Variants in HLF observed in about 807,000 individuals in gnomAD.
HLF encodes HLF transcription factor, PAR bZIP family member.
In HLF, 3 loss-of-function variants were observed where a neutral mutation model predicts 22.6. That is an observed-to-expected ratio of 0.13 (90% confidence interval 0.06 to 0.34). The LOEUF is 0.34. Ranked by LOEUF, HLF falls within the 10% of genes least tolerant of loss-of-function variation. The probability of loss-of-function intolerance (pLI) is 1.00; values close to 1 mark genes in which losing one functional copy is unlikely to be tolerated. For synonymous variants in HLF, 151 were observed against 151.8 expected (o/e 0.99, Z 0.04); for missense variants, 299 against 389.2 (o/e 0.77, Z 1.95).
At chr17:55,317,233 C>T (rs1198024685) in intron 3 of HLF, among the ~76,000 whole-genome samples, 1 of 152,126 alleles carries the variant, frequency 6.6e-6, no homozygotes, top group East Asian at 1.9e-4. Flanking sequence ...TTCCAAAGTG[C>T]TGGGATTACA....
chr17:55,301,466 T>A (rs2081156795), intron 2 of HLF, among the ~76,000 whole-genome samples: 1 of 152,218 alleles, frequency 6.6e-6, no homozygotes, highest in Non-Finnish European at 1.5e-5. Context: ...CTTAATCTGA[T>A]AAAAAAATTA....
At chr17:55,270,682 A>G (rs1490737268) in intron 2 of HLF, among the ~76,000 whole-genome samples, 5 of 123,076 alleles carry the variant, frequency 4.1e-5, no homozygotes, top group Non-Finnish European at 8.0e-5. Context: ...TTTTTTTGAG[A>G]CGGAGTCTCG....
intron 2 of HLF, among the ~76,000 whole-genome samples, chr17:55,292,816 A>C (rs1407240827): frequency 6.6e-6 from 1 of 152,274 alleles, no homozygotes; most frequent in Non-Finnish European, 1.5e-5. Flanking sequence ...ACCATAAAAA[A>C]GAATGAAATT....
chr17:55,282,369 T>G (rs2080962261), intron 2 of HLF, among the ~76,000 whole-genome samples: 3 of 152,196 alleles, frequency 2.0e-5, no homozygotes, highest in African/African-American at 7.2e-5. Flanking sequence ...AAGTATAACC[T>G]TAGGTGTTCA....
At chr17:55,288,391 G>A (rs1281202551) in intron 2 of HLF, among the ~76,000 whole-genome samples, 4 of 151,966 alleles carry the variant, frequency 2.6e-5, no homozygotes, top group Non-Finnish European at 2.9e-5. Context: ...CAAGTGATCC[G>A]CCCTCCTTGG....
At position 55,264,982 on chromosome 17, in the gene HLF, A is replaced by C. The variant is rs535748096; in HGVS notation, c.-503A>C. The C allele has an allele frequency of 3.7e-5, 6 of 160,310 alleles. No individual in the cohort carries two copies. The highest frequency in any genetic ancestry group is 2.2e-4 in the South Asian group (1 of 4,574). 9.9% of individuals were successfully genotyped at this position (160,310 alleles called of 1,614,324 possible). On this transcript the variant is annotated 5_prime_UTR_variant, in exon 1 of 4. It removes an upstream start codon present in the reference 5' UTR. Transcript: ENST00000226067. ...GTCACTCTTGTCAGGGCCGCGGCAC[A>C]TGGGCGGCCGGATGCGCTGAGCCCG...
intron 2 of HLF, among the ~76,000 whole-genome samples, chr17:55,310,620 C>T (rs903458365): frequency 6.6e-6 from 1 of 152,106 alleles, no homozygotes; most frequent in Non-Finnish European, 1.5e-5. Flanking sequence ...TTGCAGAAAC[C>T]GGCTAATGCA....
intron 2 of HLF, among the ~76,000 whole-genome samples, chr17:55,278,161 C>A (rs1047188614): frequency 2.6e-5 from 4 of 152,148 alleles, no homozygotes; most frequent in Non-Finnish European, 5.9e-5. Flanking sequence ...GGCTATTAAA[C>A]CCTGTTGCCT....
chr17:55,298,002 G>A (rs1276352012), intron 2 of HLF, among the ~76,000 whole-genome samples: 2 of 151,892 alleles, frequency 1.3e-5, no homozygotes, highest in Non-Finnish European at 2.9e-5. Context: ...TGCCTGCCTC[G>A]GCCTCCCAGA....
At chr17:55,303,702 G>A (rs552484497) in intron 2 of HLF, among the ~76,000 whole-genome samples, 34 of 152,296 alleles carry the variant, frequency 2.2e-4, no homozygotes, top group African/African-American at 7.9e-4. Context: ...TTGGTGGCAG[G>A]AAGGGTGAGG....
chr17:55,313,968 T>C (rs1335087534), intron 2 of HLF, among the ~76,000 whole-genome samples: 1 of 152,196 alleles, frequency 6.6e-6, no homozygotes, highest in Non-Finnish European at 1.5e-5. Context: ...GGCTTCATGC[T>C]TCGACCTGGG....
At chr17:55,319,301 G>A (rs748783802) in intron 3 of HLF, among the ~76,000 whole-genome samples, 8 of 152,128 alleles carry the variant, frequency 5.3e-5, no homozygotes, top group Non-Finnish European at 1.0e-4. Flanking sequence ...CCCAACCCAT[G>A]TGACCTCCTT....
chr17:55,301,565 A>G (rs1309517111), intron 2 of HLF, among the ~76,000 whole-genome samples: 1 of 152,214 alleles, frequency 6.6e-6, no homozygotes, highest in African/African-American at 2.4e-5. Context: ...AGACCTTGAT[A>G]TGGATGTTAG....
At chr17:55,310,767 AATAAG>A (rs1407834286) in intron 2 of HLF, among the ~76,000 whole-genome samples, 2 of 152,240 alleles carry the variant, frequency 1.3e-5, no homozygotes, top group Non-Finnish European at 2.9e-5. Flanking sequence ...TATTAGAACT[AATAAG>A]AAAGTAAAGT....
intron 2 of HLF, among the ~76,000 whole-genome samples, chr17:55,297,285 T>C (rs2081118787): frequency 6.6e-6 from 1 of 152,222 alleles, no homozygotes; most frequent in African/African-American, 2.4e-5. Context: ...TTTCTTCTTA[T>C]AGGCTTTCAA....
chr17:55,277,573 T>G (rs2080916818), intron 2 of HLF, among the ~76,000 whole-genome samples: 2 of 151,720 alleles, frequency 1.3e-5, no homozygotes, highest in South Asian at 4.2e-4. Context: ...TGTGTGTGTT[T>G]CATATTGGGA....
intron 2 of HLF, among the ~76,000 whole-genome samples, chr17:55,309,910 C>T (rs1904752736): frequency 6.6e-6 from 1 of 152,134 alleles, no homozygotes; most frequent in African/African-American, 2.4e-5. Flanking sequence ...AAACATAAAC[C>T]ACTGACTAGA....
chr17:55,279,608 A>G lies in HLF; in HGVS notation c.451+11522A>G, dbSNP rs193125769. Among the ~76,000 whole-genome samples, 3 of 152,202 alleles carry G rather than the reference A, an allele frequency of 2.0e-5. No individual in the cohort carries two copies. In the East Asian group the frequency reaches 5.8e-4, roughly 29 times the overall value. On this transcript the variant is annotated intron_variant, in intron 2 of 3. Transcript: ENST00000226067. ...TATTTTTAATTTAAAAAGAAAAAATATTACCAAACAGATTAATTATGCAAA... is the reference window on the plus strand; with the variant it reads ...TATTTTTAATTTAAAAAGAAAAAATGTTACCAAACAGATTAATTATGCAAA...
chr17:55,270,727 C>A (rs1271229510), intron 2 of HLF, among the ~76,000 whole-genome samples: 1 of 140,650 alleles, frequency 7.1e-6, no homozygotes, highest in African/African-American at 2.7e-5. Flanking sequence ...GTGGCGCGAT[C>A]TCAGCTCACT....
Sources: gnomAD v4.1 joint callset for allele counts (sites outside exome capture counted in the v4.1 genomes callset) on GRCh38, gnomAD v4.1.1 for gene constraint, MANE v1.5 for transcripts, NCBI Gene and HGNC (gene_info 2026-07-23, HGNC 2026-07-21) for gene names.